RGS6: variants seen among roughly 807,000 people sequenced by gnomAD.
RGS6 encodes regulator of G-protein signaling 6.
A neutral mutation model predicts 78.5 loss-of-function variants in RGS6; 30 were observed. The observed-to-expected ratio is 0.38, with a 90% CI of 0.29 to 0.52. The LOEUF (loss-of-function observed/expected upper bound fraction) is 0.52. RGS6 is among the 20% of genes least tolerant of loss of function. The probability of loss-of-function intolerance (pLI) is 0.85; values close to 1 mark genes in which losing one functional copy is unlikely to be tolerated. For synonymous variants in RGS6, 206 were observed against 206.0 expected, an observed-to-expected ratio of 1.00 and a Z score of 0.00; for missense variants, 495 against 609.7, an observed-to-expected ratio of 0.81 and a Z score of 1.98.
At chr14:72,344,364 C>T (rs575021686) in intron 2 of RGS6, among the ~76,000 whole-genome samples, 1 of 152,256 alleles carries the variant, frequency 6.6e-6, no homozygotes, top group Admixed American at 6.5e-5. Context: ...GAACTGGCTC[C>T]CCACTCAACT....
chr14:72,015,615 CAG>C (rs2086783768), intron 2 of RGS6, among the ~76,000 whole-genome samples: 1 of 152,190 alleles, frequency 6.6e-6, no homozygotes, highest in African/African-American at 2.4e-5. Flanking sequence ...AGCCAGTACT[CAG>C]AGGAAAAATG....
intron 2 of RGS6, among the ~76,000 whole-genome samples, chr14:72,286,625 T>C (rs2062608603): frequency 6.6e-6 from 1 of 152,192 alleles, no homozygotes; most frequent in South Asian, 2.1e-4. Flanking sequence ...AGCAATATTG[T>C]CTTCTAGTCC....
At position 72,053,083 on chromosome 14, in the gene RGS6, T is replaced by TC. The variant is rs1458839360; in HGVS notation, c.84+88210dup. Among the ~76,000 whole-genome samples, 24 of 3,590 alleles carry TC rather than the reference T, an allele frequency of 6.7e-3. 1 individual carries two copies. Among genetic ancestry groups the TC allele is most frequent in the Admixed American group, 0.017 (5 of 300 alleles). 2.4% of individuals were successfully genotyped at this position (3,590 alleles called of 152,430 possible). A position where few individuals can be genotyped will look rare whatever the true frequency, so the allele number is the denominator to read the frequency against. ...TCCCTCCCTCCCTCCCTCCCTCCCT[T>TC]CCTTCCTTCCTTCCTTCCTTCCTTC... is the stretch of plus-strand genomic sequence containing the variant. On this transcript the variant is annotated intron_variant, in intron 2 of 17. Transcript: ENST00000553525.
chr14:72,382,447 G>T (rs116255897), intron 3 of RGS6, among the ~76,000 whole-genome samples: 3,083 of 152,238 alleles, frequency 0.02, 125 homozygotes, highest in African/African-American at 0.07. Flanking sequence ...ACCATGCCAG[G>T]TATGCACAAG....
At chr14:72,132,618 A>G (rs780474744) in intron 2 of RGS6, among the ~76,000 whole-genome samples, 1 of 151,890 alleles carries the variant, frequency 6.6e-6, no homozygotes, top group Non-Finnish European at 1.5e-5. Context: ...GCATGTGTCA[A>G]TCATTTTGAA....
intron 2 of RGS6, among the ~76,000 whole-genome samples, chr14:71,984,298 TAAAAA>T (rs59180817): frequency 0.17 from 20,939 of 119,936 alleles, 1,722 homozygotes; most frequent in East Asian, 0.24. Flanking sequence ...TGAATTATGT[TAAAAA>T]AAAAAAAAAA....
At position 72,540,099 on chromosome 14, in the gene RGS6, G is replaced by C. The variant is rs760623556; in HGVS notation, c.1422+5G>C. ...GAAAAGTTCACTCGCAGTGTGGTAA[G>C]TTCAGTCGGTTTTCTTCCCTCAGCT... On this transcript the variant is annotated splice_donor_5th_base_variant and intron_variant, in intron 17 of 17. Transcript: ENST00000553525. The C allele has an allele frequency of 6.3e-7, 1 of 1,585,838 alleles. No homozygotes were observed. The highest frequency in any genetic ancestry group is 1.7e-5 in the Admixed American group (1 of 57,638).
intron 2 of RGS6, among the ~76,000 whole-genome samples, chr14:72,336,825 C>T (rs551487053): frequency 6.6e-6 from 1 of 152,140 alleles, no homozygotes; most frequent in East Asian, 1.9e-4. Flanking sequence ...AGGATCTGTT[C>T]CCAGCCTCTC....
intron 2 of RGS6, among the ~76,000 whole-genome samples, chr14:72,237,014 T>C (rs2051257500): frequency 6.6e-6 from 1 of 152,208 alleles, no homozygotes; most frequent in Non-Finnish European, 1.5e-5. Flanking sequence ...CTGATTTTTT[T>C]CTCAGCATGG....
At chr14:72,415,584 C>T (rs1038314556) in intron 3 of RGS6, among the ~76,000 whole-genome samples, 2 of 152,228 alleles carry the variant, frequency 1.3e-5, no homozygotes, top group Admixed American at 1.3e-4. Flanking sequence ...GAGATGAACC[C>T]GGTACCTCAG....
At chr14:72,037,960 T>A (rs2091943975) in intron 2 of RGS6, among the ~76,000 whole-genome samples, 1 of 151,772 alleles carries the variant, frequency 6.6e-6, no homozygotes, top group African/African-American at 2.4e-5. Flanking sequence ...CCATGCTGTC[T>A]TTATTTTTTA....
chr14:72,082,735 A>G (rs890652033), intron 2 of RGS6, among the ~76,000 whole-genome samples: 4 of 152,198 alleles, frequency 2.6e-5, no homozygotes, highest in Non-Finnish European at 5.9e-5. Flanking sequence ...AAATGATGGG[A>G]AAAAAACCGG....
chr14:72,330,817 A>C (rs563078509), intron 2 of RGS6, among the ~76,000 whole-genome samples: 1 of 152,070 alleles, frequency 6.6e-6, no homozygotes, highest in East Asian at 1.9e-4. Context: ...CCAGCTTTTG[A>C]CTGACACCTG....
At chr14:72,084,067 G>A (rs1353572855) in intron 2 of RGS6, among the ~76,000 whole-genome samples, 1 of 152,156 alleles carries the variant, frequency 6.6e-6, no homozygotes, top group Non-Finnish European at 1.5e-5. Context: ...TAATATCCTA[G>A]AACAGTGGTC....
chr14:72,051,304 G>A (rs1380315943), intron 2 of RGS6, among the ~76,000 whole-genome samples: 1 of 152,086 alleles, frequency 6.6e-6, no homozygotes, highest in African/African-American at 2.4e-5. Context: ...TTCGCATGGG[G>A]GCAATTTCAA....
At chr14:72,390,741 T>G (rs564656434) in intron 3 of RGS6, among the ~76,000 whole-genome samples, 38 of 152,332 alleles carry the variant, frequency 2.5e-4, no homozygotes, top group South Asian at 2.1e-3. Flanking sequence ...TGATCCTTTG[T>G]GAGCTTCTGG....
intron 2 of RGS6, among the ~76,000 whole-genome samples, chr14:72,348,961 T>C (rs946099831): frequency 4.6e-5 from 7 of 151,854 alleles, no homozygotes; most frequent in Non-Finnish European, 1.0e-4. Context: ...GGTCAGGAGA[T>C]CGAGACCATC....
At chr14:72,361,143 G>C (rs1254769819) in intron 3 of RGS6, among the ~76,000 whole-genome samples, 2 of 148,008 alleles carry the variant, frequency 1.4e-5, no homozygotes, top group Non-Finnish European at 3.0e-5. Context: ...ATAGCAGTGT[G>C]AGAATGTACT....
chr14:72,336,981 C>T (rs143511131), intron 2 of RGS6, among the ~76,000 whole-genome samples: 4 of 152,268 alleles, frequency 2.6e-5, no homozygotes, highest in Admixed American at 1.3e-4. Flanking sequence ...CATTTTAACT[C>T]GATTACCTCT....
Sources: gnomAD v4.1 joint callset for allele counts (sites outside exome capture counted in the v4.1 genomes callset) on GRCh38, gnomAD v4.1.1 for gene constraint, MANE v1.5 for transcripts, NCBI Gene and HGNC (gene_info 2026-07-23, HGNC 2026-07-21) for gene names.